Variants in SCRG1 observed in about 807,000 individuals in gnomAD.
SCRG1 encodes scrapie-responsive protein 1.
SCRG1 carries 3 observed loss-of-function variants against 7.7 expected under a neutral mutation model. The observed-to-expected ratio is 0.39, with a 90% CI of 0.18 to 1.01. The LOEUF is 1.01. Among genes scored for constraint, SCRG1 ranks in the 50% least tolerant of loss-of-function variants. The pLI, the probability that SCRG1 is intolerant of heterozygous loss-of-function variation, is 0.36. For synonymous variants in SCRG1, 46 were observed against 41.2 expected (o/e 1.12, Z -0.44); for missense variants, 110 against 117.2 (o/e 0.94, Z 0.28).
the SCRG1 span, among the ~76,000 whole-genome samples, chr4:173,467,085 A>G: frequency 6.6e-6 from 1 of 152,138 alleles, no homozygotes; most frequent in African/African-American, 2.4e-5. Flanking sequence ...AGGGCTGGAA[A>G]TTTTCTGATC....
chr4:173,384,782 G>C lies in SCRG1; in HGVS notation c.*3559C>G, dbSNP rs920404800. The C allele has an allele frequency of 6.6e-6, 1 of 152,166 alleles. No individual in the cohort carries two copies. The highest frequency in any genetic ancestry group is 2.4e-5 in the African/African-American group (1 of 41,436). 9.4% of individuals were successfully genotyped at this position (152,166 alleles called of 1,614,324 possible). Reference sequence around the variant, plus strand: ...TACTGTCAACTTTGTGCTCAGTAACGTGGGATTCACAGTAAGAACAATGAT... The same window carrying C: ...TACTGTCAACTTTGTGCTCAGTAACCTGGGATTCACAGTAAGAACAATGAT... On this transcript the variant is annotated 3_prime_UTR_variant, in exon 3 of 3. Coordinates refer to ENST00000296506, the MANE Select transcript of SCRG1 (RefSeq NM_007281.4).
At chr4:173,392,438 C>T (rs1739476076) in intron 1 of SCRG1, among the ~76,000 whole-genome samples, 2 of 152,186 alleles carry the variant, frequency 1.3e-5, no homozygotes, top group South Asian at 4.1e-4. Context: ...TGATACAGTT[C>T]TAACATTTCC....
the SCRG1 span, among the ~76,000 whole-genome samples, chr4:173,495,931 C>T: frequency 6.6e-6 from 1 of 152,130 alleles, no homozygotes; most frequent in Admixed American, 6.5e-5. Flanking sequence ...GAAGACTTCC[C>T]AAAAGAGTAG....
the SCRG1 span, among the ~76,000 whole-genome samples, chr4:173,497,402 A>C: frequency 6.6e-6 from 1 of 152,066 alleles, no homozygotes; most frequent in Non-Finnish European, 1.5e-5. Context: ...CCCTAGCCTG[A>C]AGATGATAAA....
the SCRG1 span, among the ~76,000 whole-genome samples, chr4:173,448,833 C>T: frequency 6.6e-6 from 1 of 152,176 alleles, no homozygotes; most frequent in East Asian, 1.9e-4. Context: ...AGTATTAAAC[C>T]ATTGAGTTGT....
chr4:173,404,592 A>G (rs1475466124), intron 1 of SCRG1, among the ~76,000 whole-genome samples: 1 of 152,228 alleles, frequency 6.6e-6, no homozygotes, highest in African/African-American at 2.4e-5. Context: ...ATTCTTGGGT[A>G]CAGGAGAGGT....
upstream of SCRG1, chr4:173,403,168 G>A (rs574109699): frequency 2.0e-5 from 3 of 152,142 alleles, no homozygotes; most frequent in Non-Finnish European, 2.9e-5. Context: ...AGGAAAACAG[G>A]TTCTACTGAG....
At chr4:173,435,634 C>T in the SCRG1 span, among the ~76,000 whole-genome samples, 28 of 152,268 alleles carry the variant, frequency 1.8e-4, no homozygotes, top group Middle Eastern at 0.01. Context: ...ATAAGAACAT[C>T]GCCAAGGTAG....
the SCRG1 span, among the ~76,000 whole-genome samples, chr4:173,482,755 C>T: frequency 6.6e-6 from 1 of 151,364 alleles, no homozygotes; most frequent in Admixed American, 6.7e-5. Context: ...GAGGTCAAGG[C>T]TGCAGTGAGC....
the SCRG1 span, among the ~76,000 whole-genome samples, chr4:173,494,932 T>C: frequency 6.6e-6 from 1 of 152,200 alleles, no homozygotes; most frequent in South Asian, 2.1e-4. Context: ...GTAAACTTCT[T>C]ATACCGGCTG....
At chr4:173,444,951 G>C in the SCRG1 span, among the ~76,000 whole-genome samples, 1 of 152,094 alleles carries the variant, frequency 6.6e-6, no homozygotes, top group Non-Finnish European at 1.5e-5. Context: ...TTCCAAGAAA[G>C]CGTAATAATT....
chr4:173,458,244 A>G, the SCRG1 span, among the ~76,000 whole-genome samples: 1 of 152,214 alleles, frequency 6.6e-6, no homozygotes, highest in Non-Finnish European at 1.5e-5. Context: ...TTAAGAGCAT[A>G]AAAATTAGCC....
At chr4:173,488,137 A>T in the SCRG1 span, among the ~76,000 whole-genome samples, 9,899 of 128,656 alleles carry the variant, frequency 0.077, 1,090 homozygotes, top group African/African-American at 0.25. Flanking sequence ...AAATAAATTT[A>T]AAAAATGGTC....
chr4:173,483,646 G>T, the SCRG1 span, among the ~76,000 whole-genome samples: 92 of 14,048 alleles, frequency 6.5e-3, 2 homozygotes, highest in African/African-American at 9.4e-3. Context: ...TAATATATAT[G>T]ATATATTATA....
the SCRG1 span, among the ~76,000 whole-genome samples, chr4:173,512,550 A>G: frequency 6.6e-6 from 1 of 152,228 alleles, no homozygotes. Flanking sequence ...TTTCAACACC[A>G]TTTACAAGGA....
At chr4:173,499,107 T>C in the SCRG1 span, among the ~76,000 whole-genome samples, 2 of 152,220 alleles carry the variant, frequency 1.3e-5, no homozygotes, top group Non-Finnish European at 2.9e-5. This position sits in a 1 kb window ranked among gnomAD's most constrained non-coding sequence, Gnocchi z 4.1. Flanking sequence ...ATATTAATTC[T>C]GCATGTTAAT....
the SCRG1 span, among the ~76,000 whole-genome samples, chr4:173,484,257 A>C: frequency 1.1e-4 from 10 of 92,064 alleles, no homozygotes; most frequent in Admixed American, 3.6e-4. Context: ...TATTTTCTAT[A>C]TAATATATAT....
chr4:173,432,801 A>G, the SCRG1 span, among the ~76,000 whole-genome samples: 1 of 152,196 alleles, frequency 6.6e-6, no homozygotes, highest in African/African-American at 2.4e-5. Context: ...AAGCTACCCT[A>G]TATGTTTAAG....
the SCRG1 span, among the ~76,000 whole-genome samples, chr4:173,484,168 T>G: frequency 2.6e-3 from 224 of 86,366 alleles, no homozygotes; most frequent in African/African-American, 0.011. Flanking sequence ...CTACATTATA[T>G]ATAATATATA....
Sources: allele counts gnomAD v4.1 joint callset (sites outside exome capture counted in the v4.1 genomes callset), GRCh38; gene constraint gnomAD v4.1.1; non-coding constraint Gnocchi (gnomAD v3.1); transcripts MANE v1.5; gene names NCBI Gene and HGNC (gene_info 2026-07-23, HGNC 2026-07-21).